The following ST8SIA5 variants were observed in gnomAD, a reference collection of about 807,000 sequenced individuals.
The protein encoded by ST8SIA5 is ST8 alpha-N-acetyl-neuraminide alpha-2,8-sialyltransferase 5, also known as alpha-2,8-sialyltransferase 8E.
Under a neutral mutation model 40.2 loss-of-function variants are expected in ST8SIA5, and 24 were observed. That is an observed-to-expected ratio of 0.60 (90% CI 0.43 to 0.84). The LOEUF is 0.84. Among genes scored for constraint, ST8SIA5 ranks in the 40% least tolerant of loss-of-function variants. The pLI is 0.00. For synonymous variants in ST8SIA5, 198 were observed against 201.8 expected (o/e 0.98, Z 0.16); for missense variants, 465 against 498.5 (o/e 0.93, Z 0.64).
intron 1 of ST8SIA5, among the ~76,000 whole-genome samples, chr18:46,725,478 G>A (rs1030698726): frequency 6.6e-6 from 1 of 152,022 alleles, no homozygotes. Flanking sequence ...CTATAGAAGC[G>A]AGGGACTACT....
intron 1 of ST8SIA5, among the ~76,000 whole-genome samples, chr18:46,748,819 C>G (rs919298046): frequency 4.6e-5 from 7 of 152,092 alleles, no homozygotes; most frequent in Admixed American, 3.3e-4. Flanking sequence ...ATACAGCCAC[C>G]TTGGAGAACC....
chr18:46,745,342 A>G (rs1276612887), intron 1 of ST8SIA5, among the ~76,000 whole-genome samples: 1 of 152,224 alleles, frequency 6.6e-6, no homozygotes, highest in African/African-American at 2.4e-5. Context: ...GAAAAAAAAG[A>G]GAGAAGAATC....
chr18:46,744,742 C>T (rs1251251841), intron 1 of ST8SIA5, among the ~76,000 whole-genome samples: 2 of 152,126 alleles, frequency 1.3e-5, no homozygotes, highest in East Asian at 1.9e-4. Flanking sequence ...AACTCTCCAC[C>T]CTAAATCAAC....
chr18:46,711,634 C>T (rs887412609), intron 1 of ST8SIA5, among the ~76,000 whole-genome samples: 3 of 152,210 alleles, frequency 2.0e-5, no homozygotes, highest in Non-Finnish European at 4.4e-5. Context: ...GCACACGACC[C>T]GTCACAGCAA....
At position 46,739,580 on chromosome 18, in the gene ST8SIA5, A is replaced by C. The variant is rs187031927; in HGVS notation, c.131+16798T>G. Among the ~76,000 whole-genome samples the C allele has an allele frequency of 3.2e-3, 482 of 152,322 alleles. 2 individuals are homozygous for C. The highest frequency in any genetic ancestry group is 5.4e-3 in the Admixed American group (83 of 15,306). ...GACAGGGGAGAAACATTCAACTTCC[A>C]GAGTGGGCTTCAGCACAGACTGACA... On this transcript the variant is annotated intron_variant, in intron 1 of 6. Coordinates refer to ENST00000315087, the MANE Select transcript of ST8SIA5 (RefSeq NM_013305.6).
intron 2 of ST8SIA5, among the ~76,000 whole-genome samples, chr18:46,698,961 T>C (rs1024862881): frequency 3.9e-5 from 6 of 152,224 alleles, no homozygotes; most frequent in African/African-American, 1.2e-4. Context: ...GGAGTCCTGG[T>C]GCCTCCCTGG....
intron 2 of ST8SIA5, among the ~76,000 whole-genome samples, chr18:46,694,176 G>A (rs922651601): frequency 1.3e-5 from 2 of 152,112 alleles, no homozygotes; most frequent in African/African-American, 4.8e-5. Context: ...TATACAATTG[G>A]GCGAGCCCTT....
intron 1 of ST8SIA5, among the ~76,000 whole-genome samples, chr18:46,734,545 T>A (rs945704122): frequency 6.6e-6 from 1 of 152,160 alleles, no homozygotes; most frequent in African/African-American, 2.4e-5. Flanking sequence ...CGTGGAACAC[T>A]GGGTCACCCT....
At chr18:46,726,919 AAACAAAC>A (rs1231201351) in intron 1 of ST8SIA5, among the ~76,000 whole-genome samples, 4 of 152,170 alleles carry the variant, frequency 2.6e-5, no homozygotes, top group Non-Finnish European at 5.9e-5. Context: ...CTCAAAAAAC[AAACAAAC>A]AAACAACAAC....
At chr18:46,717,456 C>T (rs1233576627) in intron 1 of ST8SIA5, among the ~76,000 whole-genome samples, 6 of 152,162 alleles carry the variant, frequency 3.9e-5, no homozygotes, top group South Asian at 4.1e-4. Flanking sequence ...CTGTCTCAGC[C>T]GCCCGAGTAG....
Position 46,756,633 on chromosome 18 carries a change from C to T in ST8SIA5, c.-125G>A, listed in dbSNP as rs2040251733. 1.7e-6 allele frequency: 2 copies of T among 1,162,674 alleles called. No homozygotes were observed. The highest frequency in any genetic ancestry group is 2.7e-5 in the East Asian group (1 of 36,724). 72.0% of individuals were successfully genotyped at this position (1,162,674 alleles called of 1,614,324 possible). A position where few individuals can be genotyped will look rare whatever the true frequency, so the allele number is the denominator to read the frequency against. On this transcript the variant is annotated 5_prime_UTR_variant, in exon 1 of 7. Transcript: ENST00000315087. ...ACGGTGCGGTCAGGCAGGCGGGGGA[C>T]TTCGAGGGGCAAAGTTTCTGGTTGG... is the stretch of plus-strand genomic sequence containing the variant.
At chr18:46,723,965 A>G (rs937682755) in intron 1 of ST8SIA5, among the ~76,000 whole-genome samples, 1 of 152,052 alleles carries the variant, frequency 6.6e-6, no homozygotes, top group Non-Finnish European at 1.5e-5. Context: ...TTTTCAATAA[A>G]ACCCTTAATA....
chr18:46,709,238 G>A (rs1364640312), intron 1 of ST8SIA5, among the ~76,000 whole-genome samples: 4 of 152,176 alleles, frequency 2.6e-5, no homozygotes, highest in African/African-American at 9.7e-5. Context: ...CCTCAATGAT[G>A]GGATTAGGCC....
Position 46,704,684 on chromosome 18 carries a change from G to A in ST8SIA5, c.132-20C>T. The A allele has an allele frequency of 6.2e-7, 1 of 1,605,688 alleles. No individual in the cohort carries two copies. Among genetic ancestry groups the A allele is most frequent in the Non-Finnish European group, 8.5e-7 (1 of 1,172,208 alleles). ...AAGTACCTGGGGACCAACAGAGACA[G>A]GTTAAACAGAGAAGCAGGTCAGGAT... is the stretch of plus-strand genomic sequence containing the variant. On this transcript the variant is annotated intron_variant, in intron 1 of 6. Coordinates refer to ENST00000315087, the MANE Select transcript of ST8SIA5 (RefSeq NM_013305.6).
At position 46,674,973 on chromosome 18, in the gene ST8SIA5, T is replaced by G. The variant is rs141361456; in HGVS notation, c.*5069A>C. On this transcript the variant is annotated 3_prime_UTR_variant, in exon 7 of 7. Transcript: ENST00000315087. ...AAGCCAGCTTGGGACATTCCCTGCA[T>G]GACTTGGTAAAGAACCTGAAGTTTA... 1.3e-5 allele frequency: 2 copies of G among 152,326 alleles called. No individual in the cohort carries two copies. The highest frequency in any genetic ancestry group is 2.9e-5 in the Non-Finnish European group (2 of 68,072). 9.4% of individuals were successfully genotyped at this position (152,326 alleles called of 1,614,324 possible).
rs774268201 is a variant in ST8SIA5, at chr18:46,698,452, C to T, written c.224+6120G>A. The stretch of plus-strand genomic sequence containing the variant: ...CTCACCACACCAACAATTAAACCAA[C>T]GATCCAACAACCCACCACACCAACA... On this transcript the variant is annotated intron_variant, in intron 2 of 6. Coordinates refer to ENST00000315087, the MANE Select transcript of ST8SIA5 (RefSeq NM_013305.6). Among the ~76,000 whole-genome samples the T allele has an allele frequency of 1.6e-4, 25 of 152,076 alleles. 1 individual carries two copies. In the Middle Eastern group the frequency reaches 0.014, roughly 83 times the overall value.
intron 4 of ST8SIA5, 120 bp downstream of exon 4, chr18:46,688,655 G>T (rs2039471861): frequency 1.4e-5 from 18 of 1,321,438 alleles, no homozygotes; most frequent in Non-Finnish European, 1.8e-5. Context: ...CCAGGACCAA[G>T]ACAACTGAGT....
At chr18:46,695,163 G>GAA (rs59787548) in intron 2 of ST8SIA5, among the ~76,000 whole-genome samples, 30,841 of 137,168 alleles carry the variant, frequency 0.22, 3,499 homozygotes, top group South Asian at 0.29. Flanking sequence ...CATCTCAAAA[G>GAA]AAAAAAAAAA....
In ST8SIA5 at chr18:46,686,178, A is replaced by T. The variant is rs2039444480; in HGVS notation, c.565T>A (p.Phe189Ile). Reference protein sequence around the residue: ...GREINSADFVFRCNLPPISEK... With the variant: ...GREINSADFVIRCNLPPISEK... ...CAGTGCCAGGGTTTCTTTTACCGGAAGACGAAGTCGGCGCTGTTGATCTCC... is the reference window on the plus strand; with the variant it reads ...CAGTGCCAGGGTTTCTTTTACCGGATGACGAAGTCGGCGCTGTTGATCTCC... Residue 189 changes from phenylalanine (F) to isoleucine (I), a missense_variant, in exon 5 of 7, where the codon TTC becomes ATC. Physicochemically the swap from Phe to Ile is conservative, Grantham distance 21. Transcript: ENST00000315087. 1.9e-6 allele frequency: 3 copies of T among 1,614,016 alleles called. No individual in the cohort carries two copies. The highest frequency in any genetic ancestry group is 2.5e-6 in the Non-Finnish European group (3 of 1,180,010).
Sources: allele counts gnomAD v4.1 joint callset (sites outside exome capture counted in the v4.1 genomes callset), GRCh38; gene constraint gnomAD v4.1.1; transcripts MANE v1.5; gene names NCBI Gene and HGNC (gene_info 2026-07-23, HGNC 2026-07-21).